The following KIAA0753 variants were observed in gnomAD, a reference collection of about 807,000 sequenced individuals.
KIAA0753 encodes KIAA0753.
A neutral mutation model predicts 116.9 loss-of-function variants in KIAA0753; 114 were observed. That is an observed-to-expected ratio of 0.98 (90% confidence interval 0.84 to 1.14). KIAA0753 has a LOEUF of 1.14. Among genes scored for constraint, KIAA0753 ranks in the 50% most tolerant of loss-of-function variants. The probability of loss-of-function intolerance (pLI) is 0.00; values close to 1 mark genes in which losing one functional copy is unlikely to be tolerated. For synonymous variants in KIAA0753, 405 were observed against 413.1 expected, an observed-to-expected ratio of 0.98 and a Z score of 0.24; for missense variants, 1,156 against 1,172.4, an observed-to-expected ratio of 0.99 and a Z score of 0.20.
At chr17:6,622,742 T>C (rs1193130519) in intron 6 of KIAA0753, 140 bp downstream of exon 6, 1 of 690,560 alleles carries the variant, frequency 1.4e-6, no homozygotes, top group East Asian at 2.6e-5. Flanking sequence ...CAAAAAGAAG[T>C]GTTTCTTCTG....
chr17:6,593,878 G>A (rs1474230793), intron 16 of KIAA0753, among the ~76,000 whole-genome samples: 3 of 152,136 alleles, frequency 2.0e-5, no homozygotes, highest in African/African-American at 7.2e-5. Flanking sequence ...GAGTGAAACT[G>A]TGACTCAAAA....
At chr17:6,596,031 T>C (rs527866665) in intron 15 of KIAA0753, 127 bp downstream of exon 15, 284 of 884,050 alleles carry the variant, frequency 3.2e-4, no homozygotes, top group Admixed American at 4.8e-4. Context: ...TAGTTGGCAA[T>C]AGAGCAGGGA....
chr17:6,625,475 C>T lies in KIAA0753; in HGVS notation c.719-614G>A, dbSNP rs531286459. Reference sequence around the variant, plus strand: ...TGAGGTCAGAATTTCAAGGCCAGCCCGGCCAACATGGCAAAACCCTGTCTC... The same window carrying T: ...TGAGGTCAGAATTTCAAGGCCAGCCTGGCCAACATGGCAAAACCCTGTCTC... On this transcript the variant is annotated intron_variant, in intron 3 of 18. Coordinates refer to ENST00000361413, the MANE Select transcript of KIAA0753 (RefSeq NM_014804.3). Among the ~76,000 whole-genome samples, 19 of 151,848 alleles carry T rather than the reference C, an allele frequency of 1.3e-4. 1 individual carries two copies. The South Asian group carries it at 1.7e-3, about 13-fold the overall frequency.
intron 12 of KIAA0753, among the ~76,000 whole-genome samples, chr17:6,606,223 T>C (rs896307101): frequency 2.0e-5 from 3 of 152,144 alleles, no homozygotes; most frequent in African/African-American, 7.2e-5. Flanking sequence ...CTTCTAATGA[T>C]AAACCCACAG....
rs1971789829 is a variant in KIAA0753, at chr17:6,628,110, T to G, written c.718+7A>C. ...TAGGTCGAAGTAAAGAATCTAATTT[T>G]TCTCACCTTTTTTAGTTACCTCTTC... On this transcript the variant is annotated splice_region_variant and intron_variant, in intron 3 of 18. Coordinates refer to ENST00000361413, the MANE Select transcript of KIAA0753 (RefSeq NM_014804.3). The G allele has an allele frequency of 4.4e-6, 7 of 1,602,356 alleles. No individual in the cohort carries two copies. Among genetic ancestry groups the G allele is most frequent in the Non-Finnish European group, 6.0e-6 (7 of 1,175,106 alleles).
chr17:6,584,120 T>A (rs1342091143), intron 18 of KIAA0753, among the ~76,000 whole-genome samples: 1 of 140,926 alleles, frequency 7.1e-6, no homozygotes, highest in Non-Finnish European at 1.5e-5. Flanking sequence ...GTGAAGAAAG[T>A]TCACCAGGAC....
At chr17:6,596,455 C>A (rs1969495174) in intron 14 of KIAA0753, 112 bp from the exon 15 acceptor site, 9 of 823,640 alleles carry the variant, frequency 1.1e-5, no homozygotes, top group Non-Finnish European at 1.7e-5. Flanking sequence ...AATAAACCAA[C>A]AGCATACAGA....
rs758896036 is a variant in KIAA0753, at chr17:6,612,120, C to T, written c.1344G>A (p.Pro448=). The change falls in exon 8 of 19, where the codon CCG becomes CCA. Residue 448 remains proline, a synonymous_variant. Transcript: ENST00000361413. The part of the protein sequence containing the change: ...ADKYQPDTEL[P]ETQRLQSELD... ...GCTCACTCTGCAACCTCTGGGTCTC[C>T]GGAAGCTCCGTATCGGGCTGATACT... The T allele has an allele frequency of 1.3e-5, 21 of 1,614,052 alleles. No individual in the cohort carries two copies. The highest frequency in any genetic ancestry group is 3.3e-5 in the South Asian group (3 of 91,060).
At chr17:6,610,762 A>C (rs1343612623) in intron 8 of KIAA0753, among the ~76,000 whole-genome samples, 1 of 151,944 alleles carries the variant, frequency 6.6e-6, no homozygotes, top group Admixed American at 6.6e-5. Context: ...TCAAGTAATG[A>C]GTAAAACATT....
intron 12 of KIAA0753, among the ~76,000 whole-genome samples, chr17:6,601,267 C>T (rs1969854579): frequency 6.6e-6 from 1 of 152,222 alleles, no homozygotes; most frequent in South Asian, 2.1e-4. Flanking sequence ...ACAGCCGCCT[C>T]TTTCCAACTC....
intron 12 of KIAA0753, among the ~76,000 whole-genome samples, chr17:6,606,331 T>TGAGGAC (rs1365516655): frequency 6.6e-6 from 1 of 152,208 alleles, no homozygotes; most frequent in Admixed American, 6.5e-5. Flanking sequence ...GGATGAATTA[T>TGAGGAC]TATCAGAGTT....
At chr17:6,587,204 C>T (rs1161005246) in intron 18 of KIAA0753, among the ~76,000 whole-genome samples, 1 of 151,694 alleles carries the variant, frequency 6.6e-6, no homozygotes, top group East Asian at 1.9e-4. Flanking sequence ...TGCACTCCAG[C>T]CTAGGTGACA....
intron 2 of KIAA0753, chr17:6,634,787 G>A (rs1243154475): frequency 4.3e-6 from 2 of 469,580 alleles, no homozygotes; most frequent in Non-Finnish European, 7.8e-6. Flanking sequence ...ATTTTTAGGA[G>A]AAGTATTCTC....
intron 2 of KIAA0753, among the ~76,000 whole-genome samples, chr17:6,630,829 G>A (rs528669957): frequency 4.6e-5 from 7 of 152,160 alleles, no homozygotes; most frequent in Admixed American, 3.3e-4. Context: ...AGCACTATGC[G>A]CAAAAAGTAT....
intron 18 of KIAA0753, among the ~76,000 whole-genome samples, chr17:6,584,903 G>A (rs1460401408): frequency 6.6e-6 from 1 of 152,178 alleles, no homozygotes; most frequent in Non-Finnish European, 1.5e-5. Context: ...CTGGGCTCAA[G>A]CAATCCTCCC....
At chr17:6,613,971 T>A (rs532835280) in intron 7 of KIAA0753, among the ~76,000 whole-genome samples, 2 of 152,048 alleles carry the variant, frequency 1.3e-5, no homozygotes, top group Non-Finnish European at 2.9e-5. Context: ...AGGACTAATA[T>A]CCAGACTATA....
chr17:6,613,194 GACA>G (rs1227079833), intron 7 of KIAA0753, among the ~76,000 whole-genome samples: 2 of 152,022 alleles, frequency 1.3e-5, no homozygotes, highest in Non-Finnish European at 1.5e-5. Context: ...TCATTAACAT[GACA>G]ACAAAAACTA....
At chr17:6,636,617 A>G (rs1448728007) in intron 1 of KIAA0753, among the ~76,000 whole-genome samples, 1 of 152,006 alleles carries the variant, frequency 6.6e-6, no homozygotes, top group Admixed American at 6.5e-5. Context: ...GCTCCAGGAA[A>G]CGTCCCAATT....
chr17:6,623,410 G>GA (rs1971456627), intron 5 of KIAA0753, 99 bp downstream of exon 5: 3 of 976,510 alleles, frequency 3.1e-6, no homozygotes, highest in Non-Finnish European at 4.6e-6. Flanking sequence ...TGCAAGTACT[G>GA]AAAATAACAT....
Sources: allele counts gnomAD v4.1 joint callset (sites outside exome capture counted in the v4.1 genomes callset), GRCh38; gene constraint gnomAD v4.1.1; transcripts MANE v1.5; gene names NCBI Gene and HGNC (gene_info 2026-07-23, HGNC 2026-07-21).